Variants in ASTN2 observed in about 807,000 individuals in gnomAD.
The protein encoded by ASTN2 is astrotactin-2.
A neutral mutation model predicts 139.8 loss-of-function variants in ASTN2; 54 were observed. The observed-to-expected ratio is 0.39, with a 90% confidence interval of 0.31 to 0.48. The LOEUF (loss-of-function observed/expected upper bound fraction) is 0.48, where lower values mean the gene tolerates loss of function less well. Among genes scored for constraint, ASTN2 ranks in the 20% least tolerant of loss-of-function variants. The pLI is 0.95. For missense variants in ASTN2, 1,565 were observed against 1,725.1 expected, an observed-to-expected ratio of 0.91 and a Z score of 1.64; for synonymous variants, 756 against 719.5, an observed-to-expected ratio of 1.05 and a Z score of -0.81.
intron 19 of ASTN2, among the ~76,000 whole-genome samples, chr9:116,590,773 T>G (rs545750888): frequency 1.3e-5 from 2 of 152,146 alleles, no homozygotes; most frequent in Non-Finnish European, 2.9e-5. Flanking sequence ...CAGACTCAGA[T>G]AGATGTCAGG....
intron 7 of ASTN2, among the ~76,000 whole-genome samples, chr9:116,984,409 A>G (rs1210638300): frequency 2.0e-5 from 3 of 152,122 alleles, no homozygotes; most frequent in African/African-American, 4.8e-5. Flanking sequence ...GGCCCAGCCA[A>G]TTTTTCCAAC....
chr9:116,842,714 C>G (rs12335373), intron 11 of ASTN2, among the ~76,000 whole-genome samples: 40,002 of 144,384 alleles, frequency 0.28, 5,993 homozygotes, highest in East Asian at 0.72. Flanking sequence ...CTTCGGTGCT[C>G]ACAAGGAGGG....
chr9:116,546,976 AG>A (rs1212266313), intron 19 of ASTN2, among the ~76,000 whole-genome samples: 2 of 152,090 alleles, frequency 1.3e-5, no homozygotes, highest in Non-Finnish European at 2.9e-5. Context: ...CGCCGGCTGG[AG>A]GGGGTAGGAA....
chr9:116,697,656 C>A (rs1860933506), intron 16 of ASTN2: 11 of 1,546,084 alleles, frequency 7.1e-6, no homozygotes, highest in Non-Finnish European at 9.7e-6. Flanking sequence ...TTCTTTTTCT[C>A]TTTAGCAGGA....
intron 1 of ASTN2, among the ~76,000 whole-genome samples, chr9:117,345,407 T>C (rs989076792): frequency 2.0e-5 from 3 of 152,164 alleles, no homozygotes; most frequent in Non-Finnish European, 4.4e-5. Context: ...GAGCTCTCAA[T>C]GTACCTTGCA....
chr9:116,794,377 C>T (rs539216375), intron 13 of ASTN2, among the ~76,000 whole-genome samples: 10 of 152,198 alleles, frequency 6.6e-5, no homozygotes, highest in South Asian at 2.1e-4. Context: ...GGATTACAGG[C>T]GTGAGCCACC....
chr9:117,391,675 C>T (rs1830545563), intron 1 of ASTN2, among the ~76,000 whole-genome samples: 1 of 152,128 alleles, frequency 6.6e-6, no homozygotes, highest in South Asian at 2.1e-4. Flanking sequence ...AAGCACATTT[C>T]AAAACCATTC....
intron 1 of ASTN2, among the ~76,000 whole-genome samples, chr9:117,387,561 G>A (rs1331352822): frequency 6.6e-6 from 1 of 152,136 alleles, no homozygotes; most frequent in Non-Finnish European, 1.5e-5. Flanking sequence ...CCTGTGCAAA[G>A]GCCAAGAGGC....
chr9:116,589,983 T>C (rs1356158231), intron 19 of ASTN2, among the ~76,000 whole-genome samples: 2 of 152,224 alleles, frequency 1.3e-5, no homozygotes. Flanking sequence ...ATCTGGGCTA[T>C]GCATACTCAC....
At chr9:116,998,441 A>C (rs1564376972) in intron 7 of ASTN2, among the ~76,000 whole-genome samples, 1 of 152,196 alleles carries the variant, frequency 6.6e-6, no homozygotes, top group Non-Finnish European at 1.5e-5. Flanking sequence ...CACACACTTT[A>C]GCCAGAGTGT....
At chr9:117,376,695 G>C (rs1368441519) in intron 1 of ASTN2, among the ~76,000 whole-genome samples, 1 of 152,158 alleles carries the variant, frequency 6.6e-6, no homozygotes, top group Non-Finnish European at 1.5e-5. Flanking sequence ...ACCAGGCTGT[G>C]TCACATTTCT....
chr9:117,355,803 C>T (rs1387337605), intron 1 of ASTN2, among the ~76,000 whole-genome samples: 1 of 152,136 alleles, frequency 6.6e-6, no homozygotes, highest in Non-Finnish European at 1.5e-5. Flanking sequence ...AGGCAGAGGC[C>T]GGCTTGCAGC....
chr9:116,733,379 G>A lies in ASTN2; in HGVS notation c.2521+20C>T, dbSNP rs770726127. 6.2e-7 allele frequency: 1 copy of A among 1,613,318 alleles called. No individual in the cohort carries two copies. Among genetic ancestry groups the A allele is most frequent in the Admixed American group, 1.7e-5 (1 of 60,010 alleles). On this transcript the variant is annotated intron_variant, in intron 14 of 22. Coordinates refer to ENST00000313400, the MANE Select transcript of ASTN2 (RefSeq NM_001365068.1). ...TGTGTGGTCAGGGAACCTGGGAAGG[G>A]TCTGGCACATGTGTCTTACCAGTGA...
rs140934792 is a variant in ASTN2, at chr9:116,950,362, G to A, written c.1889+24846C>T. On this transcript the variant is annotated intron_variant, in intron 10 of 22. Transcript: ENST00000313400. ...GTAATTTTCCAGTGAGCTGAGAAGT[G>A]GGTAGAAAATGAAGGAACAGAAATG... Among the ~76,000 whole-genome samples, 6 of 152,174 alleles carry A rather than the reference G, an allele frequency of 3.9e-5. No homozygotes were observed. The East Asian group carries it at 1.2e-3, about 29-fold the overall frequency.
chr9:116,906,380 A>G (rs1834160876), intron 10 of ASTN2, among the ~76,000 whole-genome samples: 1 of 152,218 alleles, frequency 6.6e-6, no homozygotes. Flanking sequence ...GAATCTGGAC[A>G]TAGGAAACTG....
At chr9:116,884,800 T>TC (rs146077443) in intron 10 of ASTN2, among the ~76,000 whole-genome samples, 9 of 90,474 alleles carry the variant, frequency 9.9e-5, no homozygotes, top group African/African-American at 2.6e-4. Flanking sequence ...TCTCCAAATA[T>TC]CCGCCCCCCC....
At chr9:116,577,570 T>G (rs1415989016) in intron 19 of ASTN2, among the ~76,000 whole-genome samples, 1 of 152,052 alleles carries the variant, frequency 6.6e-6, no homozygotes, top group Non-Finnish European at 1.5e-5. Context: ...AGAATGTATG[T>G]TATGATCCAG....
At chr9:116,651,131 G>T (rs920007116) in intron 17 of ASTN2, among the ~76,000 whole-genome samples, 1 of 151,996 alleles carries the variant, frequency 6.6e-6, no homozygotes, top group African/African-American at 2.4e-5. Flanking sequence ...TGGCCAGGCT[G>T]CTCTCAAACT....
At position 116,428,590 on chromosome 9, in the gene ASTN2, G is replaced by A. The variant is rs958956162; in HGVS notation, c.3783-2502C>T. On this transcript the variant is annotated intron_variant, in intron 22 of 22. Coordinates refer to ENST00000313400, the MANE Select transcript of ASTN2 (RefSeq NM_001365068.1). The stretch of plus-strand genomic sequence containing the variant: ...ATGCATAGATGTTCTGAGAATTTAT[G>A]GCTACAATACAGTGTACTAGTGGGG... 3.3e-5 allele frequency among the ~76,000 whole-genome samples: 5 copies of A among 152,072 alleles called. No individual in the cohort carries two copies. The East Asian group carries it at 9.6e-4, about 29-fold the overall frequency.
Sources: gnomAD v4.1 joint callset for allele counts (sites outside exome capture counted in the v4.1 genomes callset) on GRCh38, gnomAD v4.1.1 for gene constraint, MANE v1.5 for transcripts, NCBI Gene and HGNC (gene_info 2026-07-23, HGNC 2026-07-21) for gene names.